The following KCNB2 variants were observed in gnomAD, a reference collection of about 807,000 sequenced individuals.
The protein encoded by KCNB2 is delayed rectifier potassium channel protein.
A neutral mutation model predicts 61.5 loss-of-function variants in KCNB2; 15 were observed. The observed-to-expected ratio is 0.24, with a 90% CI of 0.16 to 0.38. KCNB2 has a LOEUF of 0.38. Ranked by LOEUF, KCNB2 falls within the 10% of genes least tolerant of loss-of-function variation. The pLI is 1.00. For missense variants in KCNB2, 828 were observed against 1,125.2 expected (o/e 0.74, Z 3.78); for synonymous variants, 457 against 446.0 (o/e 1.02, Z -0.31).
intron 2 of KCNB2, among the ~76,000 whole-genome samples, chr8:72,828,488 A>G (rs1041375081): frequency 4.6e-5 from 7 of 152,208 alleles, no homozygotes; most frequent in African/African-American, 1.7e-4. Flanking sequence ...TCCTAATCTC[A>G]TAGGATTTTG....
At chr8:72,725,694 G>T (rs1313776608) in intron 2 of KCNB2, among the ~76,000 whole-genome samples, 3 of 149,540 alleles carry the variant, frequency 2.0e-5, no homozygotes, top group Non-Finnish European at 4.4e-5. Flanking sequence ...TCGTTTGCTT[G>T]CCGGACCTCC....
chr8:72,577,889 C>T (rs1806823201), intron 2 of KCNB2, among the ~76,000 whole-genome samples: 2 of 152,172 alleles, frequency 1.3e-5, no homozygotes, highest in African/African-American at 2.4e-5. Flanking sequence ...CTATCTAGAG[C>T]TCAATTTGGA....
rs139614420 is a variant in KCNB2, at chr8:72,649,942, C to T, written c.579+81629C>T. 4.4e-3 allele frequency among the ~76,000 whole-genome samples: 668 copies of T among 152,212 alleles called. 5 individuals carry two copies. The highest frequency in any genetic ancestry group is 8.1e-3 in the Non-Finnish European group (552 of 68,002). ...TTCTCCTGCGAGTGACAGGTCTGTT[C>T]TTAATTAGCTGGTAATAATGCAGTG... On this transcript the variant is annotated intron_variant, in intron 2 of 2. Transcript: ENST00000523207.
chr8:72,613,250 A>G (rs1227528682), intron 2 of KCNB2, among the ~76,000 whole-genome samples: 6 of 152,232 alleles, frequency 3.9e-5, no homozygotes, highest in Non-Finnish European at 5.9e-5. Flanking sequence ...AAATTCAATC[A>G]TAGCAAGAAA....
chr8:72,689,254 A>G (rs1273975121), intron 2 of KCNB2, among the ~76,000 whole-genome samples: 1 of 152,216 alleles, frequency 6.6e-6, no homozygotes, highest in Non-Finnish European at 1.5e-5. Flanking sequence ...AAAGTCATTT[A>G]GAGACAGGCC....
intron 2 of KCNB2, among the ~76,000 whole-genome samples, chr8:72,867,005 G>T (rs1162369525): frequency 6.6e-6 from 1 of 152,144 alleles, no homozygotes; most frequent in South Asian, 2.1e-4. Context: ...TGAGGACAGG[G>T]ACTATGTCTT....
intron 2 of KCNB2, among the ~76,000 whole-genome samples, chr8:72,680,316 C>A (rs894983394): frequency 6.6e-6 from 1 of 152,074 alleles, no homozygotes; most frequent in African/African-American, 2.4e-5. Flanking sequence ...GGGAGGTGAA[C>A]TCAGAAAGAT....
At chr8:72,806,652 A>T (rs1809229364) in intron 2 of KCNB2, among the ~76,000 whole-genome samples, 1 of 152,144 alleles carries the variant, frequency 6.6e-6, no homozygotes, top group Non-Finnish European at 1.5e-5. Flanking sequence ...CAAAGATGTA[A>T]TTGAATAAAA....
At chr8:72,688,374 C>T (rs1227238153) in intron 2 of KCNB2, among the ~76,000 whole-genome samples, 3 of 152,132 alleles carry the variant, frequency 2.0e-5, no homozygotes, top group Admixed American at 1.3e-4. Flanking sequence ...TCATCCCTCC[C>T]TGTGGGTTTT....
intron 2 of KCNB2, among the ~76,000 whole-genome samples, chr8:72,922,673 C>G (rs1265014362): frequency 6.6e-6 from 1 of 152,130 alleles, no homozygotes; most frequent in African/African-American, 2.4e-5. Flanking sequence ...CCCAAAAGGC[C>G]CCACCTCTTA....
intron 2 of KCNB2, among the ~76,000 whole-genome samples, chr8:72,732,676 T>C (rs1026103544): frequency 6.6e-6 from 1 of 151,966 alleles, no homozygotes; most frequent in South Asian, 2.1e-4. Context: ...GGGAAAGGAG[T>C]AGGTTGCATA....
chr8:72,926,475 G>A (rs12542842), intron 2 of KCNB2, among the ~76,000 whole-genome samples: 64,929 of 151,876 alleles, frequency 0.43, 15,367 homozygotes, highest in East Asian at 0.89. Context: ...GGATACATGT[G>A]TAGGATATGC....
At chr8:72,560,612 G>A (rs1806496480) in intron 1 of KCNB2, among the ~76,000 whole-genome samples, 2 of 152,122 alleles carry the variant, frequency 1.3e-5, no homozygotes, top group Non-Finnish European at 1.5e-5. Context: ...CACCTTGGAC[G>A]CCAGTGTAAA....
intron 2 of KCNB2, among the ~76,000 whole-genome samples, chr8:72,721,511 G>T (rs1411998754): frequency 6.6e-5 from 10 of 152,164 alleles, no homozygotes; most frequent in South Asian, 2.1e-4. Flanking sequence ...GTTATTGACT[G>T]GGCTAATGTA....
At chr8:72,696,263 C>G (rs1223749165) in intron 2 of KCNB2, among the ~76,000 whole-genome samples, 1 of 152,150 alleles carries the variant, frequency 6.6e-6, no homozygotes, top group African/African-American at 2.4e-5. Flanking sequence ...AGTTTATAAT[C>G]TAGCTGGGAG....
At position 72,794,859 on chromosome 8, in the gene KCNB2, G is replaced by A. The variant is rs576342932; in HGVS notation, c.580-141076G>A. ...AGTATCTGGAGAGAAAGCAGCCAAA[G>A]GAGAAAGTATTTAAAGCAGAAAGGA... On this transcript the variant is annotated intron_variant, in intron 2 of 2. Coordinates refer to ENST00000523207, the MANE Select transcript of KCNB2 (RefSeq NM_004770.3). 2.0e-5 allele frequency among the ~76,000 whole-genome samples: 3 copies of A among 152,278 alleles called. No individual in the cohort carries two copies. The South Asian group carries it at 6.2e-4, about 32-fold the overall frequency.
intron 2 of KCNB2, among the ~76,000 whole-genome samples, chr8:72,597,366 C>G (rs1807216864): frequency 6.6e-6 from 1 of 152,118 alleles, no homozygotes; most frequent in African/African-American, 2.4e-5. Context: ...ACAGGATCAA[C>G]CCACTGCATA....
intron 2 of KCNB2, among the ~76,000 whole-genome samples, chr8:72,589,803 T>C (rs1290519152): frequency 6.6e-6 from 1 of 152,232 alleles, no homozygotes; most frequent in Non-Finnish European, 1.5e-5. Context: ...TCATGTTGTC[T>C]GAATCACTAA....
chr8:72,598,763 C>A (rs1807240340), intron 2 of KCNB2, among the ~76,000 whole-genome samples: 1 of 152,162 alleles, frequency 6.6e-6, no homozygotes, highest in Admixed American at 6.5e-5. Context: ...TCTTAAGATA[C>A]AAAATCAATG....
Sources: allele counts gnomAD v4.1 joint callset (sites outside exome capture counted in the v4.1 genomes callset), GRCh38; gene constraint gnomAD v4.1.1; transcripts MANE v1.5; gene names NCBI Gene and HGNC (gene_info 2026-07-23, HGNC 2026-07-21).